Variants in LAMC1 observed in about 807,000 individuals in gnomAD.
The protein encoded by LAMC1 is laminin subunit gamma-1.
A neutral mutation model predicts 173.6 loss-of-function variants in LAMC1; 38 were observed. That is an observed-to-expected ratio of 0.22 (90% CI 0.17 to 0.29). The LOEUF is 0.29. Among genes scored for constraint, LAMC1 ranks in the 10% least tolerant of loss-of-function variants. The pLI is 1.00. For synonymous variants in LAMC1, 746 were observed against 749.1 expected, an observed-to-expected ratio of 1.00 and a Z score of 0.07; for missense variants, 1,824 against 2,051.8, an observed-to-expected ratio of 0.89 and a Z score of 2.14.
At chr1:183,139,444 C>G (rs1369611596) in intron 26 of LAMC1, among the ~76,000 whole-genome samples, 4 of 152,276 alleles carry the variant, frequency 2.6e-5, no homozygotes, top group Admixed American at 1.3e-4. Flanking sequence ...CTTGGCCGGC[C>G]CTGGCAGGGT....
At chr1:183,121,391 A>C (rs1656469723) in intron 11 of LAMC1, among the ~76,000 whole-genome samples, 1 of 152,168 alleles carries the variant, frequency 6.6e-6, no homozygotes. Context: ...GCACCACTGC[A>C]CTCCAGCCTG....
rs1020925997 is a variant in LAMC1, at chr1:183,143,992, C to T, written c.*1202C>T. ...AGCTGCCAACGCTATCGAGTTCCTGCACTTTGTGATTTAAATCCACTCTAA... is the reference window on the plus strand; with the variant it reads ...AGCTGCCAACGCTATCGAGTTCCTGTACTTTGTGATTTAAATCCACTCTAA... On this transcript the variant is annotated 3_prime_UTR_variant, in exon 28 of 28. Coordinates refer to ENST00000258341, the MANE Select transcript of LAMC1 (RefSeq NM_002293.4). 6.6e-5 allele frequency: 10 copies of T among 152,314 alleles called. No individual in the cohort carries two copies. Among genetic ancestry groups the T allele is most frequent in the Non-Finnish European group, 8.8e-5 (6 of 68,018 alleles). 9.4% of individuals were successfully genotyped at this position (152,314 alleles called of 1,614,324 possible).
At chr1:183,071,423 T>A (rs1054802412) in intron 1 of LAMC1, among the ~76,000 whole-genome samples, 2 of 152,312 alleles carry the variant, frequency 1.3e-5, no homozygotes, top group East Asian at 3.9e-4. Flanking sequence ...GGAAGACAAG[T>A]CTACAGCTCT....
chr1:183,030,904 G>A (rs1653832470), intron 1 of LAMC1, among the ~76,000 whole-genome samples: 1 of 152,070 alleles, frequency 6.6e-6, no homozygotes, highest in Non-Finnish European at 1.5e-5. Context: ...GGGATCATTC[G>A]AGCTAAGAAG....
intron 1 of LAMC1, among the ~76,000 whole-genome samples, chr1:183,067,831 C>CAGTATTGACCTTAATATTTGT (rs1198852802): frequency 6.6e-5 from 10 of 152,030 alleles, no homozygotes; most frequent in African/African-American, 2.2e-4. Flanking sequence ...TTTGGCTTGT[C>CAGTATTGACCTTAATATTTGT]AGTATTGACC....
chr1:183,132,566 C>A (rs372621601), intron 21 of LAMC1, 29 bp downstream of exon 21: 3 of 1,580,300 alleles, frequency 1.9e-6, no homozygotes, highest in South Asian at 2.3e-5. Flanking sequence ...TGGTTTACAC[C>A]CCTTCAGGTG....
chr1:183,109,733 G>A (rs1453649871), intron 3 of LAMC1, among the ~76,000 whole-genome samples: 1 of 152,162 alleles, frequency 6.6e-6, no homozygotes, highest in Non-Finnish European at 1.5e-5. Context: ...ACTGATTGCT[G>A]TCATTAAGGA....
intron 1 of LAMC1, among the ~76,000 whole-genome samples, chr1:183,089,317 A>G (rs41475048): frequency 0.19 from 28,388 of 152,204 alleles, 3,557 homozygotes; most frequent in Middle Eastern, 0.3. Context: ...TCACTGTTTA[A>G]TGTTTGCTCT....
intron 1 of LAMC1, among the ~76,000 whole-genome samples, chr1:183,065,172 G>A (rs1654846144): frequency 1.3e-5 from 2 of 152,070 alleles, no homozygotes; most frequent in Non-Finnish European, 2.9e-5. Context: ...GATAGGAAAA[G>A]GTACGGTAAA....
intron 11 of LAMC1, among the ~76,000 whole-genome samples, chr1:183,119,002 A>T (rs1218383093): frequency 6.6e-6 from 1 of 151,874 alleles, no homozygotes; most frequent in Non-Finnish European, 1.5e-5. Context: ...GGTTCAAGCG[A>T]TTCTCCTGCT....
Position 183,023,848 on chromosome 1 carries a change from CG to C in LAMC1, c.135del (p.Arg46GlyfsTer16). 6.2e-7 allele frequency: 1 copy of C among 1,606,716 alleles called. No homozygotes were observed. Among genetic ancestry groups the C allele is most frequent in the Non-Finnish European group, 8.5e-7 (1 of 1,176,442 alleles). On this transcript the variant is annotated frameshift_variant, in exon 1 of 28. Coordinates refer to ENST00000258341, the MANE Select transcript of LAMC1 (RefSeq NM_002293.4). LOFTEE classifies it high-confidence loss of function. ...CCATGGACGAGTGCACGGACGAGGGCGGGCGGCCGCAGCGCTGCATGCCCGA... is the reference window on the plus strand; with the variant it reads ...CCATGGACGAGTGCACGGACGAGGGCGGCGGCCGCAGCGCTGCATGCCCGA... Reference protein sequence around the residue: ...AAMDECTDEGGRPQRCMPEFV... With the variant: ...AAMDECTDEGXRPQRCMPEFV...
intron 1 of LAMC1, among the ~76,000 whole-genome samples, chr1:183,073,921 A>G (rs1655068019): frequency 6.6e-6 from 1 of 152,236 alleles, no homozygotes; most frequent in Non-Finnish European, 1.5e-5. Flanking sequence ...AAAAAGTGGC[A>G]TAGATTACAT....
Position 183,135,176 on chromosome 1 carries a change from C to T in LAMC1, c.4114+20C>T. ...TGAAAGGTAGAAAAGGCTGAGATAA[C>T]AGGGGCAAATGCTTCCGCCACTAGA... On this transcript the variant is annotated intron_variant, in intron 24 of 27. Transcript: ENST00000258341. 6.7e-7 allele frequency: 1 copy of T among 1,489,046 alleles called. No homozygotes were observed. Among genetic ancestry groups the T allele is most frequent in the Non-Finnish European group, 9.4e-7 (1 of 1,068,894 alleles). The allele number at this position is 1,489,046 out of a possible 1,614,324, so 92.2% of individuals were successfully genotyped here. A position where few individuals can be genotyped will look rare whatever the true frequency, so the allele number is the denominator to read the frequency against.
chr1:183,065,928 A>G (rs1293533273), intron 1 of LAMC1, among the ~76,000 whole-genome samples: 2 of 152,208 alleles, frequency 1.3e-5, no homozygotes, highest in Non-Finnish European at 2.9e-5. Context: ...CTCAATTTCC[A>G]TGTTAATAAA....
intron 1 of LAMC1, among the ~76,000 whole-genome samples, chr1:183,101,570 T>TA (rs933202151): frequency 2.6e-5 from 4 of 151,982 alleles, no homozygotes; most frequent in Non-Finnish European, 5.9e-5. Context: ...CCTATTGTGG[T>TA]AATGCCTTAT....
At chr1:183,109,691 G>T (rs994688883) in intron 3 of LAMC1, among the ~76,000 whole-genome samples, 9 of 152,228 alleles carry the variant, frequency 5.9e-5, no homozygotes, top group African/African-American at 1.9e-4. Flanking sequence ...AAGTATTTTA[G>T]TGTATCAGTG....
At chr1:183,066,987 G>A (rs544850665) in intron 1 of LAMC1, among the ~76,000 whole-genome samples, 93 of 152,242 alleles carry the variant, frequency 6.1e-4, no homozygotes, top group African/African-American at 2.1e-3. Flanking sequence ...GTAAAGAAAA[G>A]CATCTGCCAC....
chr1:183,110,394 G>T, intron 3 of LAMC1, 94 bp from the exon 4 acceptor site: 3 of 971,468 alleles, frequency 3.1e-6, no homozygotes, highest in South Asian at 3.7e-5. Context: ...CTTTTGAATG[G>T]TAAAACTTAC....
In LAMC1 at chr1:183,121,922, C is replaced by T. The variant is rs140930364; in HGVS notation, c.2190C>T (p.Ser730=). ...PCVLCACNGH[S]ETCDPETGVC... The stretch of plus-strand genomic sequence containing the variant: ...TGCTTTGCGCCTGCAATGGACACAG[C>T]GAGACCTGTGATCCTGAGACAGGTG... The change falls in exon 12 of 28, where the codon AGC becomes AGT. Residue 730 remains serine, a synonymous_variant. Transcript: ENST00000258341. 404 of 1,614,060 alleles carry T rather than the reference C, an allele frequency of 2.5e-4. No homozygotes were observed. The East Asian group carries it at 8.2e-3, about 33-fold the overall frequency.
Sources: gnomAD v4.1 joint callset for allele counts (sites outside exome capture counted in the v4.1 genomes callset) on GRCh38, gnomAD v4.1.1 for gene constraint, MANE v1.5 for transcripts, NCBI Gene and HGNC (gene_info 2026-07-23, HGNC 2026-07-21) for gene names.